ASTN2: variants seen among roughly 807,000 people sequenced by gnomAD.
The protein encoded by ASTN2 is astrotactin-2.
In ASTN2, 54 loss-of-function variants were observed where a neutral mutation model predicts 139.8. The observed-to-expected ratio is 0.39, with a 90% CI of 0.31 to 0.48. The LOEUF is 0.48. Ranked by LOEUF, ASTN2 falls within the 20% of genes least tolerant of loss-of-function variation. ASTN2 has a pLI of 0.95. For synonymous variants in ASTN2, 756 were observed against 719.5 expected, an observed-to-expected ratio of 1.05 and a Z score of -0.81; for missense variants, 1,565 against 1,725.1, an observed-to-expected ratio of 0.91 and a Z score of 1.64.
intron 5 of ASTN2, among the ~76,000 whole-genome samples, chr9:117,079,138 T>C (rs1020653943): frequency 3.3e-5 from 5 of 152,198 alleles, no homozygotes; most frequent in Non-Finnish European, 7.3e-5. Flanking sequence ...GGAGGTTCAC[T>C]TGAGTCCAGG....
intron 3 of ASTN2, among the ~76,000 whole-genome samples, chr9:117,206,333 C>T (rs1386119669): frequency 1.3e-5 from 2 of 152,128 alleles, no homozygotes; most frequent in African/African-American, 4.8e-5. Flanking sequence ...AGATCTCTAT[C>T]CGACCCCATT....
intron 13 of ASTN2, among the ~76,000 whole-genome samples, chr9:116,788,360 T>G (rs1830435525): frequency 6.6e-6 from 1 of 152,212 alleles, no homozygotes; most frequent in Admixed American, 6.5e-5. Flanking sequence ...TGTGAGATGA[T>G]GAACATGTTT....
intron 17 of ASTN2, among the ~76,000 whole-genome samples, 158 bp downstream of exon 17, chr9:116,651,370 A>G (rs1857903327): frequency 6.6e-6 from 1 of 152,170 alleles, no homozygotes; most frequent in East Asian, 1.9e-4. Context: ...CTATGTAAGT[A>G]TTTAGAACAT....
intron 16 of ASTN2, among the ~76,000 whole-genome samples, chr9:116,694,141 G>A (rs1860712920): frequency 6.6e-6 from 1 of 152,162 alleles, no homozygotes; most frequent in Admixed American, 6.6e-5. Context: ...GGGGATGTGG[G>A]CATAGTAAAT....
intron 16 of ASTN2, among the ~76,000 whole-genome samples, chr9:116,723,239 C>T (rs747679603): frequency 1.3e-4 from 20 of 152,092 alleles, no homozygotes; most frequent in Non-Finnish European, 2.5e-4. Context: ...AGCCAATGCC[C>T]ACAATTTTTA....
intron 11 of ASTN2, among the ~76,000 whole-genome samples, chr9:116,860,840 G>A (rs549486999): frequency 6.6e-5 from 10 of 152,190 alleles, no homozygotes; most frequent in Non-Finnish European, 1.0e-4. Flanking sequence ...GAATGCTAAA[G>A]TATTCTAAAA....
At chr9:116,557,271 A>G (rs1852680650) in intron 19 of ASTN2, among the ~76,000 whole-genome samples, 1 of 150,900 alleles carries the variant, frequency 6.6e-6, no homozygotes, top group South Asian at 2.1e-4. Flanking sequence ...ATTCAGTGAT[A>G]TAGTGGTTAA....
intron 5 of ASTN2, among the ~76,000 whole-genome samples, chr9:117,066,825 T>C (rs1473076854): frequency 1.3e-5 from 2 of 148,446 alleles, no homozygotes; most frequent in African/African-American, 5.0e-5. Flanking sequence ...TGTCTGTTCA[T>C]GTCCTTCGCC....
chr9:117,409,105 A>G (rs1831089490), intron 1 of ASTN2, among the ~76,000 whole-genome samples: 1 of 152,194 alleles, frequency 6.6e-6, no homozygotes, highest in Admixed American at 6.5e-5. Flanking sequence ...CAAATGAAGA[A>G]ATAACATACA....
intron 11 of ASTN2, 101 bp from the exon 12 acceptor site, chr9:116,820,884 C>T: frequency 2.4e-6 from 3 of 1,240,342 alleles, no homozygotes; most frequent in Non-Finnish European, 2.2e-6. Context: ...CAGGGCCTGA[C>T]AGAAAGGTAT....
chr9:116,441,291 A>G (rs1847832100), intron 21 of ASTN2, among the ~76,000 whole-genome samples: 1 of 151,896 alleles, frequency 6.6e-6, no homozygotes, highest in Non-Finnish European at 1.5e-5. Context: ...GGCTATTCCT[A>G]CTGCTTCAGT....
intron 5 of ASTN2, among the ~76,000 whole-genome samples, chr9:117,051,449 C>G (rs1838909655): frequency 6.6e-6 from 1 of 152,218 alleles, no homozygotes; most frequent in Non-Finnish European, 1.5e-5. Context: ...GAGCTCCTAA[C>G]AGTATTACTA....
At chr9:117,004,552 G>C (rs141361425) in intron 7 of ASTN2, among the ~76,000 whole-genome samples, 2 of 152,158 alleles carry the variant, frequency 1.3e-5, no homozygotes, top group Non-Finnish European at 2.9e-5. Flanking sequence ...TGGAGAAGTC[G>C]TCTCCTTACT....
intron 1 of ASTN2, among the ~76,000 whole-genome samples, chr9:117,372,395 A>C (rs1046091702): frequency 1.3e-5 from 2 of 152,052 alleles, no homozygotes; most frequent in Admixed American, 6.6e-5. Context: ...CTAGATCTGC[A>C]CTCCTGGACC....
chr9:117,016,659 C>CTATATATATGTTACATATATAGGTTA lies in ASTN2; in HGVS notation c.1424-8401_1424-8400insTAACCTATATATGTAACATATATATA, dbSNP rs1837709570. Among the ~76,000 whole-genome samples, 6 of 11,960 alleles carry CTATATATATGTTACATATATAGGTTA rather than the reference C, an allele frequency of 5.0e-4. 1 individual carries two copies. Among genetic ancestry groups the CTATATATATGTTACATATATAGGTTA allele is most frequent in the African/African-American group, 1.1e-3 (6 of 5,262 alleles). 7.8% of individuals were successfully genotyped at this position (11,960 alleles called of 152,430 possible). The stretch of plus-strand genomic sequence containing the variant: ...ATATATATATATATATATATATAAC[C>CTATATATATGTTACATATATAGGTTA]TATATATATGTTACATATATATAGG... On this transcript the variant is annotated intron_variant, in intron 6 of 22. Transcript: ENST00000313400.
chr9:116,632,207 A>AG (rs71377259), intron 17 of ASTN2, among the ~76,000 whole-genome samples: 1 of 85,000 alleles, frequency 1.2e-5, no homozygotes, highest in East Asian at 5.3e-4. Flanking sequence ...AAAGAAAGAA[A>AG]AGAAAGAAAG....
intron 19 of ASTN2, among the ~76,000 whole-genome samples, chr9:116,577,384 T>C (rs971804094): frequency 6.6e-6 from 1 of 151,970 alleles, no homozygotes; most frequent in Admixed American, 6.6e-5. Context: ...ATACAAAAAT[T>C]AGCTGGGTGT....
intron 19 of ASTN2, chr9:116,583,523 T>G (rs1038405185): frequency 2.6e-5 from 4 of 151,874 alleles, no homozygotes; most frequent in African/African-American, 9.7e-5. Flanking sequence ...TAGGCATCCT[T>G]AACTACATAA....
At chr9:117,195,621 C>T (rs1007995988) in intron 3 of ASTN2, among the ~76,000 whole-genome samples, 1 of 152,074 alleles carries the variant, frequency 6.6e-6, no homozygotes, top group Non-Finnish European at 1.5e-5. Flanking sequence ...GAAACTTAGG[C>T]TAGAGCCTCA....
Sources: gnomAD v4.1 joint callset for allele counts (sites outside exome capture counted in the v4.1 genomes callset) on GRCh38, gnomAD v4.1.1 for gene constraint, MANE v1.5 for transcripts, NCBI Gene and HGNC (gene_info 2026-07-23, HGNC 2026-07-21) for gene names.